Variants in SPICE1 observed in about 807,000 individuals in gnomAD.
The protein encoded by SPICE1 is spindle and centriole-associated protein 1.
In SPICE1, 75 loss-of-function variants were observed where a neutral mutation model predicts 102.7. That is an observed-to-expected ratio of 0.73 (90% CI 0.61 to 0.88). SPICE1 has a LOEUF of 0.88. Among genes scored for constraint, SPICE1 ranks in the 40% least tolerant of loss-of-function variants. The pLI, the probability that SPICE1 is intolerant of heterozygous loss-of-function variation, is 0.00. For synonymous variants in SPICE1, 308 were observed against 350.3 expected (o/e 0.88, Z 1.35); for missense variants, 979 against 1,020.1 (o/e 0.96, Z 0.55).
intron 3 of SPICE1, among the ~76,000 whole-genome samples, chr3:113,502,522 G>T (rs117008263): frequency 0.025 from 3,869 of 152,182 alleles, 67 homozygotes; most frequent in East Asian, 0.068. Context: ...TGGGTAGAGG[G>T]TTTCATTTTG....
intron 13 of SPICE1, among the ~76,000 whole-genome samples, chr3:113,456,194 C>A (rs566978575): frequency 3.9e-5 from 6 of 152,124 alleles, no homozygotes; most frequent in Non-Finnish European, 8.8e-5. Flanking sequence ...TTTTCTTTAA[C>A]CCCTGGGCTT....
chr3:113,506,666 A>T, intron 1 of SPICE1, 61 bp from the exon 2 acceptor site: 12 of 1,315,006 alleles, frequency 9.1e-6, no homozygotes, highest in Non-Finnish European at 1.3e-5. Flanking sequence ...GCATCACCAG[A>T]GTGGGGGAAG....
chr3:113,448,142 T>C lies in SPICE1; in HGVS notation c.2324-2A>G. On this transcript the variant is annotated splice_acceptor_variant, in intron 15 of 17. Transcript: ENST00000295872. LOFTEE classifies it high-confidence loss of function. ...CCTCAATTGTCCTCTTTGCTCCTTCTAAAATATAAAAATAAATATTAGTTC... is the reference window on the plus strand; with the variant it reads ...CCTCAATTGTCCTCTTTGCTCCTTCCAAAATATAAAAATAAATATTAGTTC... The C allele has an allele frequency of 6.3e-7, 1 of 1,586,582 alleles. No individual in the cohort carries two copies. The highest frequency in any genetic ancestry group is 8.6e-7 in the Non-Finnish European group (1 of 1,168,650).
intron 7 of SPICE1, among the ~76,000 whole-genome samples, chr3:113,471,377 G>A (rs887031719): frequency 1.3e-4 from 20 of 152,172 alleles, no homozygotes; most frequent in African/African-American, 4.6e-4. Context: ...CCCACACAGA[G>A]GAGATGATGT....
intron 7 of SPICE1, among the ~76,000 whole-genome samples, chr3:113,486,210 CATATAT>C (rs60309507): frequency 0.22 from 30,758 of 140,954 alleles, 3,547 homozygotes; most frequent in African/African-American, 0.31. Flanking sequence ...TGACCATTCT[CATATAT>C]ATATATATAT....
intron 9 of SPICE1, 32 bp from the exon 10 acceptor site, chr3:113,468,436 ACC>A: frequency 6.3e-7 from 1 of 1,592,260 alleles, no homozygotes; most frequent in Non-Finnish European, 8.6e-7. Context: ...CTATTTTAAG[ACC>A]AGGAAAAATT....
intron 7 of SPICE1, among the ~76,000 whole-genome samples, chr3:113,487,076 AGAAGCAAAT>A (rs1936666290): frequency 6.6e-6 from 1 of 152,096 alleles, no homozygotes; most frequent in Non-Finnish European, 1.5e-5. Flanking sequence ...GAATACAAAT[AGAAGCAAAT>A]GAACCTAATT....
chr3:113,496,632 C>G (rs1936897013), intron 4 of SPICE1, among the ~76,000 whole-genome samples: 1 of 152,178 alleles, frequency 6.6e-6, no homozygotes, highest in Non-Finnish European at 1.5e-5. Context: ...CAAATGAAAT[C>G]TAAGATTATG....
At chr3:113,481,665 G>C (rs1179330904) in intron 7 of SPICE1, among the ~76,000 whole-genome samples, 1 of 151,922 alleles carries the variant, frequency 6.6e-6, no homozygotes, top group Non-Finnish European at 1.5e-5. Flanking sequence ...AGAACACACA[G>C]TGTTTGGTTT....
intron 11 of SPICE1, among the ~76,000 whole-genome samples, chr3:113,462,113 T>A (rs1935946138): frequency 6.6e-6 from 1 of 152,214 alleles, no homozygotes; most frequent in South Asian, 2.1e-4. Flanking sequence ...ATTAGCAGAC[T>A]GCATTGGTCA....
intron 1 of SPICE1, among the ~76,000 whole-genome samples, chr3:113,508,016 A>G (rs760998818): frequency 3.9e-5 from 6 of 152,188 alleles, no homozygotes; most frequent in Non-Finnish European, 8.8e-5. Flanking sequence ...ATGGGTGCCA[A>G]GACAATTCAA....
In SPICE1 at chr3:113,515,136, C is replaced by T. The variant is rs780192771; in HGVS notation, c.-240G>A. 3.5e-5 allele frequency: 6 copies of T among 173,524 alleles called. No individual in the cohort carries two copies. The highest frequency in any genetic ancestry group is 6.2e-5 in the Non-Finnish European group (5 of 81,042). 10.7% of individuals were successfully genotyped at this position (173,524 alleles called of 1,614,324 possible). A position where few individuals can be genotyped will look rare whatever the true frequency, so the allele number is the denominator to read the frequency against. ...GCAGCTAAAACTTCAGGCGCCGGAACCGCGGAGCGCGCCACAGGTTAACCC... is the reference window on the plus strand; with the variant it reads ...GCAGCTAAAACTTCAGGCGCCGGAATCGCGGAGCGCGCCACAGGTTAACCC... On this transcript the variant is annotated 5_prime_UTR_variant, in exon 1 of 18. Transcript: ENST00000295872.
intron 6 of SPICE1, among the ~76,000 whole-genome samples, chr3:113,490,036 C>T (rs544485771): frequency 1.3e-5 from 2 of 151,952 alleles, no homozygotes; most frequent in African/African-American, 2.4e-5. Context: ...TAAGTAAGCA[C>T]TCAATAAATT....
At chr3:113,458,442 G>A (rs998172536) in intron 12 of SPICE1, among the ~76,000 whole-genome samples, 23 of 152,350 alleles carry the variant, frequency 1.5e-4, no homozygotes, top group African/African-American at 5.5e-4. Context: ...TCCAGCTCCT[G>A]ACCGCGAGTG....
intron 6 of SPICE1, among the ~76,000 whole-genome samples, chr3:113,491,245 A>T (rs1936757089): frequency 1.3e-5 from 2 of 152,200 alleles, no homozygotes; most frequent in South Asian, 4.1e-4. Flanking sequence ...TAGTCTCACT[A>T]ATTCCTATAT....
At chr3:113,481,360 G>C (rs974946616) in intron 7 of SPICE1, among the ~76,000 whole-genome samples, 7 of 151,154 alleles carry the variant, frequency 4.6e-5, no homozygotes, top group African/African-American at 1.7e-4. Flanking sequence ...AACTCTATAT[G>C]AGAGAAATGT....
At chr3:113,514,811 A>G in intron 1 of SPICE1, 86 bp downstream of exon 1, 1 of 1,264,388 alleles carries the variant, frequency 7.9e-7, no homozygotes, top group Non-Finnish European at 1.0e-6. Context: ...TCTGTGCAAA[A>G]GCTCCCGAAA....
At chr3:113,448,436 C>T (rs1935568103) in intron 15 of SPICE1, among the ~76,000 whole-genome samples, 1 of 151,890 alleles carries the variant, frequency 6.6e-6, no homozygotes, top group East Asian at 1.9e-4. Flanking sequence ...AGAGCTAGCC[C>T]TAAAGAGCTT....
At chr3:113,486,713 C>T (rs1238793173) in intron 7 of SPICE1, among the ~76,000 whole-genome samples, 1 of 151,576 alleles carries the variant, frequency 6.6e-6, no homozygotes, top group Admixed American at 6.6e-5. Flanking sequence ...GATTACTATA[C>T]ATTATATGTA....
Sources: gnomAD v4.1 joint callset for allele counts (sites outside exome capture counted in the v4.1 genomes callset) on GRCh38, gnomAD v4.1.1 for gene constraint, MANE v1.5 for transcripts, NCBI Gene and HGNC (gene_info 2026-07-23, HGNC 2026-07-21) for gene names.